SV2C: variants seen among roughly 807,000 people sequenced by gnomAD.
SV2C encodes synaptic vesicle glycoprotein 2C.
A neutral mutation model predicts 79.7 loss-of-function variants in SV2C; 49 were observed. The observed-to-expected ratio is 0.61, with a 90% CI of 0.49 to 0.78. The LOEUF is 0.78. Ranked by LOEUF, SV2C falls within the 30% of genes least tolerant of loss-of-function variation. SV2C has a pLI of 0.00. For synonymous variants in SV2C, 334 were observed against 333.2 expected, an observed-to-expected ratio of 1.00 and a Z score of -0.03; for missense variants, 833 against 912.9, an observed-to-expected ratio of 0.91 and a Z score of 1.13.
In SV2C at chr5:76,333,768, T is replaced by C. The variant is rs1393461796; in HGVS notation, c.*8221T>C. On this transcript the variant is annotated 3_prime_UTR_variant, in exon 13 of 13. Transcript: ENST00000502798. ...TTTGACAAATATCCCGAGACAGCCA[T>C]GCGTATCCTTGTGAAAGGGCATGCT... 1 of 152,358 alleles carries C rather than the reference T, an allele frequency of 6.6e-6. No homozygotes were observed. The highest frequency in any genetic ancestry group is 1.9e-4 in the East Asian group (1 of 5,190). The allele number at this position is 152,358 out of a possible 1,614,324, so 9.4% of individuals were successfully genotyped here. A position where few individuals can be genotyped will look rare whatever the true frequency, so the allele number is the denominator to read the frequency against.
downstream of SV2C, among the ~76,000 whole-genome samples, chr5:76,336,069 TC>T (rs1378341349): frequency 3.2e-5 from 2 of 63,172 alleles, no homozygotes; most frequent in Admixed American, 1.6e-4. Flanking sequence ...CCCACCTCCC[TC>T]CCGGACGGGG....
intron 12 of SV2C, among the ~76,000 whole-genome samples, chr5:76,343,524 A>G (rs1749482988): frequency 1.3e-5 from 2 of 152,202 alleles, no homozygotes; most frequent in Non-Finnish European, 2.9e-5. Flanking sequence ...ATGCCACTAG[A>G]GACTCCCCCA....
the SV2C span, among the ~76,000 whole-genome samples, chr5:76,050,976 A>C: frequency 6.6e-6 from 1 of 152,270 alleles, no homozygotes; most frequent in Non-Finnish European, 1.5e-5. Flanking sequence ...GTAAAGTATG[A>C]ATACATATGA....
At chr5:76,029,143 T>G in the SV2C span, among the ~76,000 whole-genome samples, 6 of 152,344 alleles carry the variant, frequency 3.9e-5, no homozygotes, top group South Asian at 1.2e-3. Flanking sequence ...TATGCACAAT[T>G]TGATATTTTA....
the SV2C span, among the ~76,000 whole-genome samples, chr5:75,872,657 C>T: frequency 6.6e-6 from 1 of 152,022 alleles, no homozygotes; most frequent in South Asian, 2.1e-4. Context: ...AAATAACTGG[C>T]TGTTTTGAAA....
chr5:76,066,129 C>G, the SV2C span, among the ~76,000 whole-genome samples: 1 of 152,034 alleles, frequency 6.6e-6, no homozygotes, highest in African/African-American at 2.4e-5. Flanking sequence ...AATCATGCTG[C>G]TATAAAGACA....
At chr5:76,166,271 T>C (rs909881363) in intron 2 of SV2C, among the ~76,000 whole-genome samples, 6 of 152,198 alleles carry the variant, frequency 3.9e-5, no homozygotes, top group African/African-American at 1.4e-4. Flanking sequence ...GTGTGGAACC[T>C]GTGATCTGGC....
chr5:76,277,576 C>T (rs548927715), intron 4 of SV2C, among the ~76,000 whole-genome samples: 1 of 152,188 alleles, frequency 6.6e-6, no homozygotes, highest in South Asian at 2.1e-4. Flanking sequence ...GAGTTCAAGA[C>T]CAGTCTGGAT....
the SV2C span, among the ~76,000 whole-genome samples, chr5:76,069,868 A>C: frequency 2.6e-5 from 4 of 151,008 alleles, no homozygotes; most frequent in African/African-American, 9.7e-5. Context: ...AAACACACAC[A>C]CACACACACC....
the SV2C span, among the ~76,000 whole-genome samples, chr5:75,951,761 G>A: frequency 1.8e-4 from 28 of 152,130 alleles, no homozygotes; most frequent in African/African-American, 6.7e-4. Context: ...GGACTGTGCA[G>A]TGACTTTTTA....
intron 12 of SV2C, among the ~76,000 whole-genome samples, chr5:76,311,867 T>C (rs562004303): frequency 6.6e-6 from 1 of 152,200 alleles, no homozygotes; most frequent in African/African-American, 2.4e-5. Flanking sequence ...GCGGTAGAAC[T>C]GAGAACACCA....
At position 76,195,022 on chromosome 5, in the gene SV2C, C is replaced by T. The variant is rs199971429; in HGVS notation, c.684C>T (p.Asn228=). The T allele has an allele frequency of 4.7e-5, 76 of 1,614,106 alleles. No individual in the cohort carries two copies. The highest frequency in any genetic ancestry group is 6.7e-5 in the African/African-American group (5 of 75,034). The change falls in exon 3 of 13, where the codon AAC becomes AAT. Residue 228 remains asparagine (N), a synonymous_variant. Transcript: ENST00000502798. ...KQSLLICMSV[N]GFFAFLSSFV... ...CTCTTCTGATTTGCATGTCTGTCAA[C>T]GGATTCTTTGCCTTCCTTTCTTCAT...
At chr5:76,088,303 T>C (rs1417624237) in intron 1 of SV2C, among the ~76,000 whole-genome samples, 2 of 152,222 alleles carry the variant, frequency 1.3e-5, no homozygotes, top group Non-Finnish European at 2.9e-5. Flanking sequence ...TTTTTAAGTA[T>C]AAATATGTCT....
At chr5:76,324,111 A>C (rs1469672456) in intron 12 of SV2C, among the ~76,000 whole-genome samples, 1 of 152,216 alleles carries the variant, frequency 6.6e-6, no homozygotes, top group African/African-American at 2.4e-5. Context: ...GTTGCACTTA[A>C]CAACAGTTTT....
At chr5:76,013,105 A>C in the SV2C span, among the ~76,000 whole-genome samples, 1 of 152,192 alleles carries the variant, frequency 6.6e-6, no homozygotes, top group East Asian at 1.9e-4. Context: ...TTTTGGTTCC[A>C]TATGAAATGT....
intron 2 of SV2C, among the ~76,000 whole-genome samples, chr5:76,191,363 T>C (rs937828047): frequency 6.6e-6 from 1 of 152,204 alleles, no homozygotes; most frequent in Non-Finnish European, 1.5e-5. Context: ...TAATACAGAA[T>C]GTTTTTCATT....
the SV2C span, among the ~76,000 whole-genome samples, chr5:76,003,982 C>T: frequency 6.6e-6 from 1 of 151,776 alleles, no homozygotes; most frequent in Admixed American, 6.6e-5. Context: ...GGAGATGGAG[C>T]TGAAAGGTGG....
chr5:75,920,096 A>G, the SV2C span, among the ~76,000 whole-genome samples: 1 of 152,226 alleles, frequency 6.6e-6, no homozygotes, highest in African/African-American at 2.4e-5. Flanking sequence ...GGAATTGACT[A>G]CGTCACTTTC....
At chr5:75,952,368 G>A in the SV2C span, among the ~76,000 whole-genome samples, 5 of 149,506 alleles carry the variant, frequency 3.3e-5, no homozygotes, top group Non-Finnish European at 5.9e-5. Flanking sequence ...CCTTTAAATA[G>A]AGACATTTCT....
Sources: allele counts gnomAD v4.1 joint callset (sites outside exome capture counted in the v4.1 genomes callset), GRCh38; gene constraint gnomAD v4.1.1; transcripts MANE v1.5; gene names NCBI Gene and HGNC (gene_info 2026-07-23, HGNC 2026-07-21).